The following STX2 variants were observed in gnomAD, a reference collection of about 807,000 sequenced individuals.
The protein encoded by STX2 is syntaxin-2.
A neutral mutation model predicts 40.6 loss-of-function variants in STX2; 27 were observed. The ratio of observed to expected loss-of-function variants is 0.66; its 90% CI spans 0.49 to 0.92. The LOEUF (loss-of-function observed/expected upper bound fraction) is 0.92, where lower values mean the gene tolerates loss of function less well. STX2 is among the 40% of genes least tolerant of loss of function. STX2 has a pLI of 0.00. For missense variants in STX2, 328 were observed against 366.1 expected (o/e 0.90, Z 0.85); for synonymous variants, 123 against 119.1 (o/e 1.03, Z -0.22).
In STX2 at chr12:130,821,788, C is replaced by A; in HGVS notation, c.106G>T (p.Val36Leu). ...TCAATACTGTTTCTAATCTCCTCCA[C>A]CTAGGAGAGAGAGAGAGTCATTACA... ...DHFMDDFFHQ[V>L]EEIRNSIDKI... Residue 36 changes from valine (V) to leucine (L), a missense_variant and splice_region_variant, in exon 3 of 11, where the codon GTG becomes TTG. Coordinates refer to ENST00000392373, the MANE Select transcript of STX2 (RefSeq NM_194356.4). 1 of 1,579,442 alleles carries A rather than the reference C, an allele frequency of 6.3e-7. No individual in the cohort carries two copies. The highest frequency in any genetic ancestry group is 8.7e-7 in the Non-Finnish European group (1 of 1,148,794).
At chr12:130,834,886 T>C (rs1233462875) in intron 1 of STX2, among the ~76,000 whole-genome samples, 3 of 152,264 alleles carry the variant, frequency 2.0e-5, no homozygotes, top group African/African-American at 7.2e-5. Context: ...ATTTTATGAA[T>C]TGGAACCTGC....
intron 1 of STX2, among the ~76,000 whole-genome samples, chr12:130,836,986 T>G (rs550206928): frequency 6.6e-6 from 1 of 152,318 alleles, no homozygotes; most frequent in African/African-American, 2.4e-5. Context: ...GACAAATAAT[T>G]GCCTTATTTG....
At chr12:130,817,784 A>G (rs1446646382) in intron 3 of STX2, among the ~76,000 whole-genome samples, 2 of 152,224 alleles carry the variant, frequency 1.3e-5, no homozygotes, top group African/African-American at 2.4e-5. Flanking sequence ...TGGTGAAAGA[A>G]AACAACTTCT....
In STX2 at chr12:130,813,012, T is replaced by C. The variant is rs1178754179; in HGVS notation, c.225A>G (p.Glu75=). The C allele has an allele frequency of 1.3e-6, 2 of 1,527,446 alleles. No individual in the cohort carries two copies. Among genetic ancestry groups the C allele is most frequent in the African/African-American group, 2.8e-5 (2 of 70,562 alleles). 94.6% of individuals were successfully genotyped at this position (1,527,446 alleles called of 1,614,324 possible). ...NPEGKIKEEL[E]DLNKEIKKTA... Reference sequence around the variant, plus strand: ...TTTTCTTGATTTCTTTGTTCAGATCTTCAAGCTCTTCTTTTATTTCTATAA... The same window carrying C: ...TTTTCTTGATTTCTTTGTTCAGATCCTCAAGCTCTTCTTTTATTTCTATAA... Residue 75 remains glutamate (E), a synonymous_variant, in exon 4 of 11, where the codon GAA becomes GAG. Coordinates refer to ENST00000392373, the MANE Select transcript of STX2 (RefSeq NM_194356.4).
In STX2 at chr12:130,790,081, T is replaced by C. The variant is rs561613396; in HGVS notation, c.*1942A>G. ...TTGCCACCAGCATGATCCTGAAATA[T>C]TGAAAACCCTCAAGACAAGTGATAC... On this transcript the variant is annotated 3_prime_UTR_variant, in exon 11 of 11. Coordinates refer to ENST00000392373, the MANE Select transcript of STX2 (RefSeq NM_194356.4). The C allele has an allele frequency of 4.3e-4, 65 of 152,286 alleles. No homozygotes were observed. The highest frequency in any genetic ancestry group is 1.3e-3 in the African/African-American group (56 of 41,554). The allele number at this position is 152,286 out of a possible 1,614,324, so 9.4% of individuals were successfully genotyped here.
intron 9 of STX2, 98 bp from the exon 10 acceptor site, chr12:130,796,218 G>T: frequency 6.7e-7 from 1 of 1,493,778 alleles, no homozygotes; most frequent in South Asian, 1.2e-5. Flanking sequence ...ACCTGGCCAG[G>T]TGTGGTGGCT....
At chr12:130,823,305 C>G (rs74587315) in intron 2 of STX2, among the ~76,000 whole-genome samples, 3,615 of 152,314 alleles carry the variant, frequency 0.024, 150 homozygotes, top group African/African-American at 0.081. Context: ...GAGCAAGACC[C>G]TGCTCTTAAA....
At chr12:130,794,231 G>A (rs190506638) in intron 10 of STX2, among the ~76,000 whole-genome samples, 6 of 152,040 alleles carry the variant, frequency 3.9e-5, no homozygotes, top group Non-Finnish European at 5.9e-5. Context: ...GAAAAATCAC[G>A]TACAATATTT....
intron 1 of STX2, among the ~76,000 whole-genome samples, chr12:130,830,334 C>A (rs1477473158): frequency 2.0e-5 from 3 of 152,134 alleles, no homozygotes; most frequent in Admixed American, 6.5e-5. Flanking sequence ...GTGTGATGCA[C>A]CCCCCACAGT....
At chr12:130,803,530 G>A (rs913621086) in intron 6 of STX2, among the ~76,000 whole-genome samples, 4 of 151,950 alleles carry the variant, frequency 2.6e-5, no homozygotes, top group African/African-American at 9.7e-5. Flanking sequence ...AGCCAGGTAT[G>A]GTGGTGTGCT....
At chr12:130,835,470 G>C (rs577560703) in intron 1 of STX2, among the ~76,000 whole-genome samples, 1 of 148,898 alleles carries the variant, frequency 6.7e-6, no homozygotes, top group South Asian at 2.2e-4. Flanking sequence ...ATAATAAATA[G>C]ATATATCATA....
chr12:130,796,413 G>C (rs1451076360), intron 9 of STX2, among the ~76,000 whole-genome samples: 1 of 152,150 alleles, frequency 6.6e-6, no homozygotes, highest in African/African-American at 2.4e-5. Context: ...TTGAACCCAG[G>C]AGGCAGAGGT....
Position 130,798,577 on chromosome 12 carries a change from T to A in STX2, c.734A>T (p.His245Leu). 1 of 1,608,880 alleles carries A rather than the reference T, an allele frequency of 6.2e-7. No individual in the cohort carries two copies. The change falls in exon 9 of 11, where the codon CAC becomes CTC. Residue 245 changes from histidine to leucine, a missense_variant. Physicochemically the swap from His to Leu is moderately conservative, Grantham distance 99. Coordinates refer to ENST00000392373, the MANE Select transcript of STX2 (RefSeq NM_194356.4). ...AGCTTTTTTTGTTTCTTCTTTAGCGTGTTCTACATAGTCTGTGGCATTCAT... is the reference window on the plus strand; with the variant it reads ...AGCTTTTTTTGTTTCTTCTTTAGCGAGTTCTACATAGTCTGTGGCATTCAT... The part of the protein sequence containing the change: ...NVMNATDYVE[H>L]AKEETKKAIK...
At chr12:130,811,542 T>TG (rs1305490629) in intron 4 of STX2, among the ~76,000 whole-genome samples, 1 of 140,730 alleles carries the variant, frequency 7.1e-6, no homozygotes, top group African/African-American at 2.7e-5. Context: ...ACATCTTTTT[T>TG]TTTTTTTTTT....
At chr12:130,802,237 G>T (rs769047853) in intron 6 of STX2, among the ~76,000 whole-genome samples, 1 of 152,008 alleles carries the variant, frequency 6.6e-6, no homozygotes, top group Non-Finnish European at 1.5e-5. Context: ...TCACTCTGTC[G>T]CCCAGCCTGG....
At chr12:130,798,449 G>T in intron 9 of STX2, 76 bp downstream of exon 9, 1 of 939,654 alleles carries the variant, frequency 1.1e-6, no homozygotes. Flanking sequence ...CTTTTAGGCA[G>T]GCTTACATCA....
At chr12:130,804,519 G>A (rs1951353092) in intron 6 of STX2, among the ~76,000 whole-genome samples, 1 of 152,100 alleles carries the variant, frequency 6.6e-6, no homozygotes. Context: ...AGGGCCGGCT[G>A]CACACGTTCT....
chr12:130,839,139 T>G lies in STX2; in HGVS notation c.-40A>C. ...CAGCGCGCCCCGCCGCTCAAGCCTG[T>G]CCCGAGCTGCCTCCGGCCGGGCCTC... On this transcript the variant is annotated 5_prime_UTR_variant, in exon 1 of 11. Coordinates refer to ENST00000392373, the MANE Select transcript of STX2 (RefSeq NM_194356.4). 8.4e-7 allele frequency: 1 copy of G among 1,184,686 alleles called. No homozygotes were observed. The highest frequency in any genetic ancestry group is 3.7e-5 in the East Asian group (1 of 26,800). 73.4% of individuals were successfully genotyped at this position (1,184,686 alleles called of 1,614,324 possible).
In STX2 at chr12:130,801,255, G is replaced by A. The variant is rs772770149; in HGVS notation, c.573C>T (p.Leu191=). ...CCTTGTGACGTGACTCGATTTCATT[G>A]AGAGCTTGTCTAGTAATTTGTGAAT... ...ISDSQITRQA[L]NEIESRHKDI... The change falls in exon 8 of 11, where the codon CTC becomes CTT. Residue 191 remains leucine (L), a synonymous_variant. Coordinates refer to ENST00000392373, the MANE Select transcript of STX2 (RefSeq NM_194356.4). 4 of 1,613,666 alleles carry A rather than the reference G, an allele frequency of 2.5e-6. No individual in the cohort carries two copies.
Sources: allele counts gnomAD v4.1 joint callset (sites outside exome capture counted in the v4.1 genomes callset), GRCh38; gene constraint gnomAD v4.1.1; transcripts MANE v1.5; gene names NCBI Gene and HGNC (gene_info 2026-07-23, HGNC 2026-07-21).